EPHA6: variants seen among roughly 807,000 people sequenced by gnomAD.
The protein encoded by EPHA6 is ephrin type-A receptor 6.
A neutral mutation model predicts 112.0 loss-of-function variants in EPHA6; 50 were observed. The ratio of observed to expected loss-of-function variants is 0.45; its 90% CI spans 0.36 to 0.56. The LOEUF is 0.56. Among genes scored for constraint, EPHA6 ranks in the 20% least tolerant of loss-of-function variants. EPHA6 has a pLI of 0.00. For missense variants in EPHA6, 1,280 were observed against 1,417.4 expected (o/e 0.90, Z 1.56); for synonymous variants, 529 against 490.7 (o/e 1.08, Z -1.03).
chr3:97,547,341 G>T (rs1003709049), intron 11 of EPHA6, among the ~76,000 whole-genome samples: 3 of 152,194 alleles, frequency 2.0e-5, no homozygotes, highest in African/African-American at 7.2e-5. Flanking sequence ...TCCAGACCCT[G>T]TCTCCCTGGG....
chr3:97,539,549 A>G (rs1291261469), intron 11 of EPHA6, among the ~76,000 whole-genome samples: 1 of 152,098 alleles, frequency 6.6e-6, no homozygotes, highest in East Asian at 1.9e-4. Context: ...CTCTGGTTTC[A>G]TTGTCCACCA....
In EPHA6 at chr3:97,022,346, A is replaced by G. The variant is rs552856652; in HGVS notation, c.1114+34353A>G. 2.0e-5 allele frequency among the ~76,000 whole-genome samples: 3 copies of G among 152,320 alleles called. No individual in the cohort carries two copies. In the East Asian group the frequency reaches 5.8e-4, roughly 29 times the overall value. Reference sequence around the variant, plus strand: ...TCTCCCCTTTTTCTCTCTAGGTAGCATCTTCCTTGACTCTTTCTTAGACAG... The same window carrying G: ...TCTCCCCTTTTTCTCTCTAGGTAGCGTCTTCCTTGACTCTTTCTTAGACAG... On this transcript the variant is annotated intron_variant, in intron 3 of 17. Transcript: ENST00000389672.
At chr3:97,364,033 G>A (rs1041947103) in intron 5 of EPHA6, among the ~76,000 whole-genome samples, 1 of 152,054 alleles carries the variant, frequency 6.6e-6, no homozygotes, top group African/African-American at 2.4e-5. Flanking sequence ...TGTTTAATGG[G>A]TATGAAGTAT....
chr3:97,219,821 G>A (rs2078139869), intron 3 of EPHA6, among the ~76,000 whole-genome samples: 1 of 152,216 alleles, frequency 6.6e-6, no homozygotes. Context: ...CTTTTCTATT[G>A]TATCATCAGG....
At chr3:97,719,817 A>G (rs2034445348) in intron 14 of EPHA6, among the ~76,000 whole-genome samples, 1 of 152,186 alleles carries the variant, frequency 6.6e-6, no homozygotes. Flanking sequence ...TTGAATTGGT[A>G]GAGAATGTTT....
At chr3:97,395,924 T>C (rs2086669041) in intron 5 of EPHA6, among the ~76,000 whole-genome samples, 1 of 151,660 alleles carries the variant, frequency 6.6e-6, no homozygotes, top group African/African-American at 2.4e-5. Flanking sequence ...CTATTCATGC[T>C]AAAAATTAGA....
chr3:97,407,347 A>AACAC (rs34259097), intron 6 of EPHA6, among the ~76,000 whole-genome samples: 3,216 of 147,342 alleles, frequency 0.022, 100 homozygotes, highest in African/African-American at 0.072. Flanking sequence ...ACTGAAATTA[A>AACAC]ACACACACAC....
At chr3:97,167,173 A>T (rs1299100372) in intron 3 of EPHA6, among the ~76,000 whole-genome samples, 2 of 152,184 alleles carry the variant, frequency 1.3e-5, no homozygotes, top group African/African-American at 4.8e-5. Context: ...ATCTGTTTGA[A>T]TTAAAAAGAA....
chr3:97,060,916 T>C, intron 3 of EPHA6, among the ~76,000 whole-genome samples: 1 of 90,376 alleles, frequency 1.1e-5, no homozygotes, highest in African/African-American at 5.0e-5. Flanking sequence ...AGAGCCAGAC[T>C]CCGTCTCAAA....
chr3:97,421,654 T>C (rs187922720), intron 6 of EPHA6, among the ~76,000 whole-genome samples: 2 of 152,130 alleles, frequency 1.3e-5, no homozygotes, highest in Admixed American at 1.3e-4. Context: ...AAATGAAAAA[T>C]AGGGGGCCAT....
At chr3:97,599,745 T>C (rs201131226) in intron 12 of EPHA6, among the ~76,000 whole-genome samples, 2 of 151,498 alleles carry the variant, frequency 1.3e-5, no homozygotes, top group East Asian at 1.9e-4. Context: ...GACTTGGTGA[T>C]GCGGGCTCCT....
intron 3 of EPHA6, among the ~76,000 whole-genome samples, chr3:97,206,228 A>T (rs983989551): frequency 2.0e-5 from 3 of 151,982 alleles, no homozygotes; most frequent in Non-Finnish European, 4.4e-5. Context: ...TGTCTGGGTC[A>T]ATGACTTTGT....
intron 3 of EPHA6, among the ~76,000 whole-genome samples, chr3:97,007,955 G>T (rs1263969268): frequency 2.0e-5 from 3 of 152,156 alleles, no homozygotes; most frequent in Admixed American, 6.5e-5. Context: ...TGCTTGTAGG[G>T]TTTCTGCTGA....
intron 2 of EPHA6, among the ~76,000 whole-genome samples, chr3:96,917,398 G>A (rs1368106400): frequency 7.9e-6 from 1 of 126,334 alleles, no homozygotes; most frequent in Non-Finnish European, 1.6e-5. Context: ...CAGCCTGGGT[G>A]ATGGAGTAAG....
intron 15 of EPHA6, among the ~76,000 whole-genome samples, chr3:97,726,452 C>T (rs916988005): frequency 3.3e-5 from 5 of 151,992 alleles, no homozygotes; most frequent in Non-Finnish European, 5.9e-5. Context: ...ATATTTTCTG[C>T]AGGATTTTTG....
intron 6 of EPHA6, among the ~76,000 whole-genome samples, chr3:97,421,189 T>A (rs2088597667): frequency 6.6e-6 from 1 of 151,974 alleles, no homozygotes. Flanking sequence ...GCCATTCCAA[T>A]GGGATAAAAA....
At chr3:97,463,154 G>T (rs528639139) in intron 7 of EPHA6, among the ~76,000 whole-genome samples, 2 of 152,198 alleles carry the variant, frequency 1.3e-5, no homozygotes, top group African/African-American at 4.8e-5. Context: ...ACAACTTGCA[G>T]GTTCGTTACA....
intron 15 of EPHA6, among the ~76,000 whole-genome samples, chr3:97,730,821 G>A (rs1003323807): frequency 2.6e-5 from 4 of 152,120 alleles, no homozygotes; most frequent in African/African-American, 9.7e-5. Flanking sequence ...GCTACATGCT[G>A]GGAACACGTG....
chr3:96,901,072 CTAA>C (rs911620197), intron 2 of EPHA6, among the ~76,000 whole-genome samples: 1 of 152,236 alleles, frequency 6.6e-6, no homozygotes, highest in African/African-American at 2.4e-5. Context: ...TAGAAAAGAG[CTAA>C]TATTATTTCT....
Sources: allele counts gnomAD v4.1 joint callset (sites outside exome capture counted in the v4.1 genomes callset), GRCh38; gene constraint gnomAD v4.1.1; transcripts MANE v1.5; gene names NCBI Gene and HGNC (gene_info 2026-07-23, HGNC 2026-07-21).